Variants in ADCY7 observed in about 807,000 individuals in gnomAD.
ADCY7 encodes the protein adenylate cyclase type 7.
ADCY7 carries 72 observed loss-of-function variants against 120.6 expected under a neutral mutation model. The observed-to-expected ratio is 0.60, with a 90% CI of 0.49 to 0.73. The LOEUF is 0.73. Ranked by LOEUF, ADCY7 falls within the 30% of genes least tolerant of loss-of-function variation. ADCY7 has a pLI of 0.00. For synonymous variants in ADCY7, 661 were observed against 628.0 expected, an observed-to-expected ratio of 1.05 and a Z score of -0.78; for missense variants, 1,227 against 1,486.0, an observed-to-expected ratio of 0.83 and a Z score of 2.87.
chr16:50,311,817 AGCTCTGC>A, intron 20 of ADCY7, 31 bp downstream of exon 20: 2 of 1,172,338 alleles, frequency 1.7e-6, no homozygotes, highest in Non-Finnish European at 2.4e-6. Context: ...CCCCCCCCCA[AGCTCTGC>A]CCACTTTTCC....
rs564237496 is a variant in ADCY7, at chr16:50,308,831, G to A, written c.2061+39G>A. On this transcript the variant is annotated intron_variant, in intron 17 of 25. Coordinates refer to ENST00000673801, the MANE Select transcript of ADCY7 (RefSeq NM_001114.5). ...TGGGGAGGCAGGCCTCCGGGGTAGA[G>A]GGAGACCTCCAGATTTGGGACGCCT... 1.6e-3 allele frequency: 2,436 copies of A among 1,569,984 alleles called. 37 individuals are homozygous for A. The African/African-American group carries it at 0.03, about 19-fold the overall frequency.
At chr16:50,271,448 A>G (rs1356714160) in intron 1 of ADCY7, among the ~76,000 whole-genome samples, 3 of 152,146 alleles carry the variant, frequency 2.0e-5, no homozygotes, top group East Asian at 1.9e-4. Context: ...TTTTCTGAGC[A>G]CAGCACAGCC....
chr16:50,269,209 C>T (rs1048011851), intron 1 of ADCY7, among the ~76,000 whole-genome samples: 1 of 152,238 alleles, frequency 6.6e-6, no homozygotes, highest in Non-Finnish European at 1.5e-5. Context: ...AGACAGGGCC[C>T]AGAGGGGCTG....
chr16:50,310,547 G>GT (rs781594934), intron 18 of ADCY7, 140 bp from the exon 19 acceptor site: 7 of 1,549,770 alleles, frequency 4.5e-6, no homozygotes, highest in Admixed American at 3.9e-5. Flanking sequence ...AGGTCTCATT[G>GT]TTTTTTGTTG....
intron 1 of ADCY7, among the ~76,000 whole-genome samples, chr16:50,260,126 A>T (rs1373662223): frequency 6.6e-6 from 1 of 152,222 alleles, no homozygotes; most frequent in Admixed American, 6.5e-5. Context: ...CCTCCCACGT[A>T]GGGTGAGCAG....
At chr16:50,261,871 C>T (rs753923227), upstream of ADCY7, among the ~76,000 whole-genome samples, 13 of 152,216 alleles carry the variant, frequency 8.5e-5, no homozygotes, top group African/African-American at 2.9e-4. Context: ...GGGCTCCTCC[C>T]GGTGCCGTGA....
At chr16:50,273,881 A>G (rs986225715) in intron 1 of ADCY7, among the ~76,000 whole-genome samples, 2 of 152,110 alleles carry the variant, frequency 1.3e-5, no homozygotes, top group African/African-American at 4.8e-5. Context: ...GCATGGCTGG[A>G]CGTGCAGCCA....
chr16:50,311,811 C>A lies in ADCY7; in HGVS notation c.2448+25C>A, dbSNP rs551904453. 259 of 1,343,528 alleles carry A rather than the reference C, an allele frequency of 1.9e-4. 9 individuals carry two copies. In the East Asian group the frequency reaches 2.1e-3, roughly 11 times the overall value. 83.2% of individuals were successfully genotyped at this position (1,343,528 alleles called of 1,614,324 possible). On this transcript the variant is annotated intron_variant, in intron 20 of 25. Coordinates refer to ENST00000673801, the MANE Select transcript of ADCY7 (RefSeq NM_001114.5). Reference sequence around the variant, plus strand: ...GGTAAGGAGGCTGGCCCCCCCCCCCCCCCCAAGCTCTGCCCACTTTTCCTC... The same window carrying A: ...GGTAAGGAGGCTGGCCCCCCCCCCCACCCCAAGCTCTGCCCACTTTTCCTC...
chr16:50,298,831 G>C (rs369458783), intron 7 of ADCY7, 73 bp from the exon 8 acceptor site: 16 of 1,546,846 alleles, frequency 1.0e-5, no homozygotes, highest in Non-Finnish European at 1.4e-5. Flanking sequence ...CCTGGAGGGT[G>C]GGGGGAGGCG....
intron 17 of ADCY7, 26 bp downstream of exon 17, chr16:50,308,818 C>T (rs553375932): frequency 1.3e-6 from 2 of 1,589,028 alleles, no homozygotes; most frequent in African/African-American, 1.3e-5. Context: ...GGGAGGCAGG[C>T]CTCCGGGGTA....
chr16:50,305,416 A>T, intron 12 of ADCY7, 87 bp from the exon 13 acceptor site: 1 of 1,173,732 alleles, frequency 8.5e-7, no homozygotes, highest in Non-Finnish European at 1.3e-6. Context: ...AGGTTCTGGG[A>T]CCCCACTGGT....
At chr16:50,309,696 G>A (rs1302023065) in intron 18 of ADCY7, 50 bp downstream of exon 18, 3 of 1,512,776 alleles carry the variant, frequency 2.0e-6, no homozygotes, top group African/African-American at 2.7e-5. Context: ...TGGGGCTGCT[G>A]CTGCCAGAGG....
At chr16:50,274,360 A>G (rs1426745301) in intron 1 of ADCY7, among the ~76,000 whole-genome samples, 1 of 147,578 alleles carries the variant, frequency 6.8e-6, no homozygotes, top group Non-Finnish European at 1.5e-5. Flanking sequence ...GGAGTGAGTG[A>G]CCGGGAATGG....
chr16:50,308,966 A>G (rs1454061279), intron 17 of ADCY7, 174 bp downstream of exon 17: 2 of 766,104 alleles, frequency 2.6e-6, no homozygotes, highest in Non-Finnish European at 3.8e-6. Flanking sequence ...TGGGTTCTCA[A>G]ATGCGGACTT....
At chr16:50,309,181 C>T in intron 17 of ADCY7, 1 of 318,394 alleles carries the variant, frequency 3.1e-6, no homozygotes. Flanking sequence ...CTCTCCCAGA[C>T]CCCGCATCCT....
chr16:50,293,260 G>A (rs1384753341), intron 5 of ADCY7, 94 bp from the exon 6 acceptor site: 3 of 1,454,586 alleles, frequency 2.1e-6, no homozygotes, highest in East Asian at 4.6e-5. Context: ...AAGGAGGCCA[G>A]GTCTGGGACC....
chr16:50,310,919 G>GGGT, intron 19 of ADCY7, 39 bp downstream of exon 19: 2 of 1,530,216 alleles, frequency 1.3e-6, no homozygotes, highest in Non-Finnish European at 1.8e-6. Context: ...CCCCATGGTG[G>GGGT]CCTGTTCATC....
intron 17 of ADCY7, 106 bp downstream of exon 17, chr16:50,308,898 C>G: frequency 1.4e-6 from 2 of 1,393,846 alleles, no homozygotes; most frequent in Admixed American, 2.6e-5. Flanking sequence ...TCCTCTCCCC[C>G]GAGCTCAGCA....
In ADCY7 at chr16:50,314,051, C is replaced by T; in HGVS notation, c.2845C>T (p.His949Tyr). The T allele has an allele frequency of 6.2e-7, 1 of 1,613,834 alleles. No homozygotes were observed. Among genetic ancestry groups the T allele is most frequent in the South Asian group, 1.1e-5 (1 of 91,066 alleles). Residue 949 changes from histidine to tyrosine, a missense_variant, in exon 23 of 26, where the codon CAC (histidine) becomes TAC (tyrosine). His to Tyr is a moderately conservative substitution (Grantham distance 83). Transcript: ENST00000673801. ...TGCAGGGCTCAGCGTCGCCTCAGGG[C>T]ACGAGAACCAGGTACTCAAGCCCAA... Reference protein sequence around the residue: ...AAAGLSVASGHENQELERQHA... With the variant: ...AAAGLSVASGYENQELERQHA...
Sources: gnomAD v4.1 joint callset for allele counts (sites outside exome capture counted in the v4.1 genomes callset) on GRCh38, gnomAD v4.1.1 for gene constraint, MANE v1.5 for transcripts, NCBI Gene and HGNC (gene_info 2026-07-23, HGNC 2026-07-21) for gene names.